The following MDH1B variants were observed in gnomAD, a reference collection of about 807,000 sequenced individuals.
MDH1B encodes the protein putative malate dehydrogenase 1B.
A neutral mutation model predicts 61.4 loss-of-function variants in MDH1B; 60 were observed. The observed-to-expected ratio is 0.98, with a 90% CI of 0.79 to 1.21. The LOEUF (loss-of-function observed/expected upper bound fraction) is 1.21. MDH1B is among the 50% of genes most tolerant of loss of function. The pLI is 0.00. For synonymous variants in MDH1B, 236 were observed against 218.7 expected (o/e 1.08, Z -0.70); for missense variants, 587 against 632.1 (o/e 0.93, Z 0.76).
intron 9 of MDH1B, among the ~76,000 whole-genome samples, chr2:206,742,709 C>T (rs1338798869): frequency 3.0e-5 from 4 of 133,890 alleles, no homozygotes; most frequent in Admixed American, 7.8e-5. Flanking sequence ...CTTGATGTCT[C>T]TATTTTTTTT....
At chr2:206,744,275 C>A (rs1161990701) in intron 9 of MDH1B, among the ~76,000 whole-genome samples, 2 of 152,214 alleles carry the variant, frequency 1.3e-5, no homozygotes, top group Admixed American at 1.3e-4. Context: ...TCTTGATGGA[C>A]TGCAGGTTCC....
At chr2:206,760,790 G>A (rs1689045496) in intron 2 of MDH1B, 111 bp downstream of exon 2, 2 of 610,478 alleles carry the variant, frequency 3.3e-6, no homozygotes, top group Non-Finnish European at 3.0e-6. Flanking sequence ...AATATCACTA[G>A]CACATGAACA....
Position 206,760,924 on chromosome 2 carries a change from T to C in MDH1B, c.112A>G (p.Thr38Ala), listed in dbSNP as rs1200907882. Residue 38 changes from threonine (T) to alanine (A), a missense_variant, in exon 2 of 12, where the codon ACA becomes GCA. Coordinates refer to ENST00000374412, the MANE Select transcript of MDH1B (RefSeq NM_001039845.3). ...NLPDFRIHKITQRPEVWEDWL... is the reference protein window; with the variant it reads ...NLPDFRIHKIAQRPEVWEDWL... ...ACCTCCCAAACCTCAGGACGTTGTG[T>C]GATTTTATGTATCCGAAAATCAGGA... 1.2e-6 allele frequency: 2 copies of C among 1,610,746 alleles called. No individual in the cohort carries two copies. The highest frequency in any genetic ancestry group is 1.7e-6 in the Non-Finnish European group (2 of 1,177,320).
chr2:206,757,041 C>T lies in MDH1B; in HGVS notation c.271-1G>A, dbSNP rs1477882203. The T allele has an allele frequency of 3.1e-6, 5 of 1,611,706 alleles. No homozygotes were observed. The South Asian group carries it at 3.3e-5, about 11-fold the overall frequency. On this transcript the variant is annotated splice_acceptor_variant, in intron 3 of 11. Transcript: ENST00000374412. LOFTEE classifies it high-confidence loss of function. ...TGCTAGAGGTGACATCATAGTAAAG[C>T]TAAATATTGGGAGAGAAAAAGTCAA...
At chr2:206,739,028 G>A (rs1000593048) in intron 11 of MDH1B, among the ~76,000 whole-genome samples, 1 of 152,098 alleles carries the variant, frequency 6.6e-6, no homozygotes, top group Non-Finnish European at 1.5e-5. Flanking sequence ...TTATATACTT[G>A]GGAAATCTGG....
At chr2:206,761,034 A>G (rs1291852041) in intron 1 of MDH1B, 21 bp from the exon 2 acceptor site, 1 of 1,320,520 alleles carries the variant, frequency 7.6e-7, no homozygotes, top group Admixed American at 1.8e-5. Context: ...TCAAATTAGC[A>G]ATGTTTTCTT....
Position 206,746,419 on chromosome 2 carries a change from A to C in MDH1B, c.1224T>G (p.Phe408Leu). ...AAAAGACGATCCCTTTCGGAATACC[A>C]AACTGGCCTGCAGTGAGCAAACACA... is the stretch of plus-strand genomic sequence containing the variant. ...VSLGILSEGQFGIPKGIVFSM... is the reference protein window; with the variant it reads ...VSLGILSEGQLGIPKGIVFSM... Residue 408 changes from phenylalanine to leucine, a missense_variant, in exon 8 of 12, where the codon TTT becomes TTG. Physicochemically the swap from Phe to Leu is conservative, Grantham distance 22 (BLOSUM62 0). Transcript: ENST00000374412. 1 of 1,612,646 alleles carries C rather than the reference A, an allele frequency of 6.2e-7. No homozygotes were observed. Among genetic ancestry groups the C allele is most frequent in the Non-Finnish European group, 8.5e-7 (1 of 1,179,530 alleles).
intron 4 of MDH1B, among the ~76,000 whole-genome samples, chr2:206,755,992 A>G (rs979627905): frequency 6.6e-6 from 1 of 152,044 alleles, no homozygotes; most frequent in Admixed American, 6.6e-5. Flanking sequence ...GGTGGGATCA[A>G]CATAGGCTAT....
In MDH1B at chr2:206,755,117, G is replaced by A; in HGVS notation, c.802C>T (p.Leu268Phe). The A allele has an allele frequency of 6.2e-7, 1 of 1,614,228 alleles. No individual in the cohort carries two copies. The highest frequency in any genetic ancestry group is 8.5e-7 in the Non-Finnish European group (1 of 1,180,042). ...GCAATGCGTGGGGCATATCTCATGA[G>A]TAAAACTGTCTTCAGGTTTACAAAG... Reference protein sequence around the residue: ...RTFVNLKTVLLMRYAPRIAHN... With the variant: ...RTFVNLKTVLFMRYAPRIAHN... Residue 268 changes from leucine to phenylalanine, a missense_variant, in exon 5 of 12, where the codon CTC becomes TTC. Physicochemically the swap from Leu to Phe is conservative, Grantham distance 22. Transcript: ENST00000374412.
intron 7 of MDH1B, among the ~76,000 whole-genome samples, chr2:206,748,498 C>A (rs553601940): frequency 1.3e-5 from 2 of 152,186 alleles, no homozygotes; most frequent in African/African-American, 4.8e-5. Context: ...ACATTCCCAG[C>A]GCTGCCTGGT....
intron 9 of MDH1B, among the ~76,000 whole-genome samples, chr2:206,742,875 C>T (rs556961790): frequency 6.6e-6 from 1 of 152,104 alleles, no homozygotes; most frequent in South Asian, 2.1e-4. Context: ...CCATGCCTGG[C>T]TAATTTTGTT....
chr2:206,750,494 T>G (rs1204343911), intron 6 of MDH1B, among the ~76,000 whole-genome samples: 1 of 151,570 alleles, frequency 6.6e-6, no homozygotes, highest in Non-Finnish European at 1.5e-5. Flanking sequence ...CCAGCCTGGG[T>G]GGCTTGGTCC....
At chr2:206,763,748 A>T (rs1689246550) in intron 1 of MDH1B, among the ~76,000 whole-genome samples, 2 of 152,182 alleles carry the variant, frequency 1.3e-5, no homozygotes, top group Non-Finnish European at 2.9e-5. Flanking sequence ...TCACCAAACT[A>T]GTTCTCCTTG....
chr2:206,762,245 A>G (rs1238376262), intron 1 of MDH1B, among the ~76,000 whole-genome samples: 1 of 152,138 alleles, frequency 6.6e-6, no homozygotes, highest in African/African-American at 2.4e-5. Context: ...TCAGAACACA[A>G]CAGACAACTT....
chr2:206,765,097 T>TGCAA (rs3842559), intron 1 of MDH1B, among the ~76,000 whole-genome samples, 153 bp downstream of exon 1: 37,328 of 152,182 alleles, frequency 0.25, 5,557 homozygotes, highest in East Asian at 0.71. Flanking sequence ...CCACAATGCT[T>TGCAA]GGCGCACCGT....
intron 6 of MDH1B, among the ~76,000 whole-genome samples, 182 bp from the exon 7 acceptor site, chr2:206,749,365 T>C (rs947967829): frequency 1.3e-5 from 2 of 152,032 alleles, no homozygotes; most frequent in South Asian, 2.1e-4. Flanking sequence ...AATTGAAAAA[T>C]AGTGAAATGT....
intron 1 of MDH1B, among the ~76,000 whole-genome samples, chr2:206,764,869 A>G (rs1224074445): frequency 6.6e-6 from 1 of 152,046 alleles, no homozygotes; most frequent in Non-Finnish European, 1.5e-5. Flanking sequence ...TCACACCTTC[A>G]CAACTCAGCT....
In MDH1B at chr2:206,753,948, C is replaced by A. The variant is rs1164412208; in HGVS notation, c.910+1061G>T. On this transcript the variant is annotated intron_variant, in intron 5 of 11. Coordinates refer to ENST00000374412, the MANE Select transcript of MDH1B (RefSeq NM_001039845.3). ...TTTTCAGTAGTGTATCATAGACTTT[C>A]TGAGATAAGTCACTGTCTACACATA... Among the ~76,000 whole-genome samples, 3 of 149,288 alleles carry A rather than the reference C, an allele frequency of 2.0e-5. No individual in the cohort carries two copies. In the East Asian group the frequency reaches 6.1e-4, roughly 30 times the overall value.
intron 4 of MDH1B, chr2:206,756,577 C>A: frequency 3.8e-6 from 1 of 263,712 alleles, no homozygotes; most frequent in Non-Finnish European, 7.2e-6. Flanking sequence ...GCAAAGAAAG[C>A]TCTAGCACGT....
Sources: allele counts gnomAD v4.1 joint callset (sites outside exome capture counted in the v4.1 genomes callset), GRCh38; gene constraint gnomAD v4.1.1; transcripts MANE v1.5; gene names NCBI Gene and HGNC (gene_info 2026-07-23, HGNC 2026-07-21).